The following HDAC9 variants were observed in gnomAD, a reference collection of about 807,000 sequenced individuals.
HDAC9 encodes the protein histone deacetylase 9, also known as MEF-2 interacting transcription repressor (MITR) protein.
A neutral mutation model predicts 139.4 loss-of-function variants in HDAC9; 41 were observed. That is an observed-to-expected ratio of 0.29 (90% CI 0.23 to 0.38). HDAC9 has a LOEUF of 0.38. HDAC9 is among the 10% of genes least tolerant of loss of function. The pLI is 1.00. For missense variants in HDAC9, 1,147 were observed against 1,297.0 expected (o/e 0.88, Z 1.78); for synonymous variants, 517 against 476.2 (o/e 1.09, Z -1.12).
intron 2 of HDAC9, among the ~76,000 whole-genome samples, chr7:18,564,034 A>G (rs1313392184): frequency 6.6e-6 from 1 of 151,792 alleles, no homozygotes; most frequent in African/African-American, 2.4e-5. Context: ...ACAGGATTTC[A>G]CCATGTTGGC....
At chr7:18,454,204 C>G (rs1304006543) in intron 1 of HDAC9, among the ~76,000 whole-genome samples, 1 of 151,984 alleles carries the variant, frequency 6.6e-6, no homozygotes, top group Non-Finnish European at 1.5e-5. Flanking sequence ...TTTACAAAAT[C>G]AGAGATTTTT....
chr7:18,241,392 C>T (rs998514491), intron 2 of HDAC9, among the ~76,000 whole-genome samples: 1 of 151,942 alleles, frequency 6.6e-6, no homozygotes, highest in Non-Finnish European at 1.5e-5. Context: ...TTTCTCTTTC[C>T]ATTATTGGGA....
chr7:18,727,559 G>T, intron 12 of HDAC9, 21 bp from the exon 13 acceptor site: 1 of 1,570,124 alleles, frequency 6.4e-7, no homozygotes, highest in Non-Finnish European at 8.6e-7. Flanking sequence ...TCTTTCTACT[G>T]TGCTCTTTTC....
chr7:18,329,459 T>C (rs1422436325), intron 1 of HDAC9, among the ~76,000 whole-genome samples: 2 of 151,538 alleles, frequency 1.3e-5, no homozygotes, highest in Non-Finnish European at 2.9e-5. Context: ...AAAATAAATA[T>C]GTAAAAATTA....
At chr7:18,624,503 T>C (rs1347004682) in intron 6 of HDAC9, among the ~76,000 whole-genome samples, 1 of 152,116 alleles carries the variant, frequency 6.6e-6, no homozygotes, top group Admixed American at 6.6e-5. Flanking sequence ...TTAATTGAGA[T>C]GTAGAGAATG....
At chr7:18,333,294 C>T (rs1157893061) in intron 1 of HDAC9, among the ~76,000 whole-genome samples, 1 of 151,196 alleles carries the variant, frequency 6.6e-6, no homozygotes, top group African/African-American at 2.4e-5. Context: ...CCAAAGAATA[C>T]AAAATAGCAC....
intron 2 of HDAC9, among the ~76,000 whole-genome samples, chr7:18,186,732 T>C (rs1789945938): frequency 6.6e-6 from 1 of 152,206 alleles, no homozygotes; most frequent in African/African-American, 2.4e-5. Context: ...GAAATGATGA[T>C]GTGGTAATTG....
intron 2 of HDAC9, among the ~76,000 whole-genome samples, chr7:18,177,634 G>C (rs113159077): frequency 2.8e-4 from 42 of 152,242 alleles, no homozygotes; most frequent in African/African-American, 1.0e-3. Flanking sequence ...GGGTGACGCT[G>C]ACATTTGTTA....
At chr7:18,961,124 C>T (rs1783501764) in intron 24 of HDAC9, among the ~76,000 whole-genome samples, 1 of 152,128 alleles carries the variant, frequency 6.6e-6, no homozygotes, top group Non-Finnish European at 1.5e-5. Flanking sequence ...CCTCTCTCTT[C>T]CATTTCCATC....
Position 18,377,399 on chromosome 7 carries a change from G to A in HDAC9, c.-42+86884G>A, listed in dbSNP as rs568598134. On this transcript the variant is annotated intron_variant, in intron 1 of 3. Coordinates refer to the HDAC9 transcript ENST00000413509. Reference sequence around the variant, plus strand: ...AGGTTTCCTTTAAAAATGAGCATAAGTTTTATGTACAAAATGTTGTCAATA... The same window carrying A: ...AGGTTTCCTTTAAAAATGAGCATAAATTTTATGTACAAAATGTTGTCAATA... 2.6e-5 allele frequency among the ~76,000 whole-genome samples: 4 copies of A among 152,202 alleles called. No individual in the cohort carries two copies. In the South Asian group the frequency reaches 6.2e-4, roughly 24 times the overall value.
intron 6 of HDAC9, among the ~76,000 whole-genome samples, chr7:18,622,230 G>C (rs149230102): frequency 6.6e-6 from 1 of 152,322 alleles, no homozygotes; most frequent in African/African-American, 2.4e-5. Flanking sequence ...TGGTGGTGAA[G>C]ACTTGACCTT....
At chr7:18,677,907 A>C (rs1170518148) in intron 12 of HDAC9, among the ~76,000 whole-genome samples, 1 of 151,838 alleles carries the variant, frequency 6.6e-6, no homozygotes, top group Non-Finnish European at 1.5e-5. Context: ...GTGTCCTTTC[A>C]AGAATGATTT....
intron 13 of HDAC9, among the ~76,000 whole-genome samples, chr7:18,734,932 A>ATTGGTGTG: frequency 6.6e-6 from 1 of 152,258 alleles, no homozygotes; most frequent in Admixed American, 6.5e-5. Context: ...TGCTATTCTA[A>ATTGGTGTG]CTGGTGTGAA....
At chr7:18,774,628 T>G (rs975107520) in intron 16 of HDAC9, among the ~76,000 whole-genome samples, 1 of 151,542 alleles carries the variant, frequency 6.6e-6, no homozygotes, top group Non-Finnish European at 1.5e-5. Context: ...GTGGTAATCT[T>G]TTTGCTGGTG....
At chr7:18,432,058 G>T (rs543267806) in intron 1 of HDAC9, among the ~76,000 whole-genome samples, 1 of 152,248 alleles carries the variant, frequency 6.6e-6, no homozygotes, top group African/African-American at 2.4e-5. Flanking sequence ...TTGTGCCTTA[G>T]CCCAGCTGTT....
chr7:18,670,345 CA>C (rs1293749189), intron 12 of HDAC9, among the ~76,000 whole-genome samples: 1 of 152,012 alleles, frequency 6.6e-6, no homozygotes, highest in Non-Finnish European at 1.5e-5. Flanking sequence ...ACTTTTCAGT[CA>C]TGCCAACAAC....
chr7:18,138,068 A>C (rs1294081236), intron 1 of HDAC9, among the ~76,000 whole-genome samples: 1 of 152,170 alleles, frequency 6.6e-6, no homozygotes, highest in Non-Finnish European at 1.5e-5. Context: ...ATGCATTAGT[A>C]CTAGATTTTC....
At chr7:18,631,463 T>A (rs1198074444) in intron 7 of HDAC9, among the ~76,000 whole-genome samples, 1 of 152,106 alleles carries the variant, frequency 6.6e-6, no homozygotes, top group Non-Finnish European at 1.5e-5. Flanking sequence ...TCATCTAGTT[T>A]GGATGAGATT....
Position 18,771,537 on chromosome 7 carries a change from ATGTGTGTGTG to A in HDAC9, c.2214+4400_2214+4409del, listed in dbSNP as rs144486840. Among the ~76,000 whole-genome samples the A allele has an allele frequency of 8.1e-3, 1,180 of 146,544 alleles. 20 individuals carry two copies. The highest frequency in any genetic ancestry group is 0.027 in the African/African-American group (1,099 of 40,580). ...CCCTCTTATTTATAAATTTACAGAT[ATGTGTGTGTG>A]TGTGTGTGTGTGTGTGTTTATATAT... On this transcript the variant is annotated intron_variant, in intron 16 of 25. Transcript: ENST00000686413.
Sources: gnomAD v4.1 joint callset for allele counts (sites outside exome capture counted in the v4.1 genomes callset) on GRCh38, gnomAD v4.1.1 for gene constraint, MANE v1.5 for transcripts, NCBI Gene and HGNC (gene_info 2026-07-23, HGNC 2026-07-21) for gene names.